Variants in PPHLN1 observed in about 807,000 individuals in gnomAD.
The protein encoded by PPHLN1 is periphilin-1.
A neutral mutation model predicts 51.3 loss-of-function variants in PPHLN1; 29 were observed. The observed-to-expected ratio is 0.57, with a 90% CI of 0.42 to 0.77. PPHLN1 has a LOEUF of 0.77. Among genes scored for constraint, PPHLN1 ranks in the 30% least tolerant of loss-of-function variants. The pLI is 0.00. For missense variants in PPHLN1, 436 were observed against 438.4 expected, an observed-to-expected ratio of 0.99 and a Z score of 0.05; for synonymous variants, 147 against 147.8, an observed-to-expected ratio of 0.99 and a Z score of 0.04.
chr12:42,404,625 G>A (rs994611581), intron 9 of PPHLN1, among the ~76,000 whole-genome samples: 8 of 152,120 alleles, frequency 5.3e-5, no homozygotes, highest in Non-Finnish European at 7.4e-5. Flanking sequence ...TCAAGGTTTC[G>A]ACTATTTGCC....
Position 42,339,442 on chromosome 12 carries a change from G to A in PPHLN1, c.72+3468G>A, listed in dbSNP as rs2071162952. 2.0e-5 allele frequency among the ~76,000 whole-genome samples: 3 copies of A among 151,036 alleles called. No homozygotes were observed. In the South Asian group the frequency reaches 6.3e-4, roughly 31 times the overall value. Reference sequence around the variant, plus strand: ...AGCCTTCTCTTTCCCTCAATACATTGTACCCCTTAGATGGCTCTTGAAAAT... The same window carrying A: ...AGCCTTCTCTTTCCCTCAATACATTATACCCCTTAGATGGCTCTTGAAAAT... On this transcript the variant is annotated intron_variant, in intron 2 of 9. Coordinates refer to ENST00000358314, the MANE Select transcript of PPHLN1 (RefSeq NM_201439.2).
At chr12:42,446,398 G>A (rs897827596), downstream of PPHLN1, 201 of 1,433,112 alleles carry the variant, frequency 1.4e-4, no homozygotes, top group Admixed American at 3.1e-4. Flanking sequence ...CCTTCCCAGC[G>A]TCTAGCAGTG....
intron 4 of PPHLN1, among the ~76,000 whole-genome samples, chr12:42,360,497 T>G (rs2074548805): frequency 8.0e-6 from 1 of 125,040 alleles, no homozygotes; most frequent in Non-Finnish European, 1.6e-5. Context: ...TGAGATGAGG[T>G]CTCACTCTTG....
chr12:42,335,831 C>T, intron 1 of PPHLN1, 52 bp from the exon 2 acceptor site: 1 of 1,059,974 alleles, frequency 9.4e-7, no homozygotes, highest in Non-Finnish European at 1.3e-6. Context: ...CCTTCCTTAC[C>T]TTTTCTGTTA....
chr12:42,346,175 T>C (rs2138048166), intron 2 of PPHLN1, among the ~76,000 whole-genome samples: 1 of 152,304 alleles, frequency 6.6e-6, no homozygotes, highest in Admixed American at 6.5e-5. Flanking sequence ...ACATTAGATC[T>C]CTAGACTTAT....
rs969690071 is a variant in PPHLN1, at chr12:42,384,959, C to T, written c.531C>T (p.Ala177=). Residue 177 remains alanine, a synonymous_variant, in exon 6 of 10, where the codon GCC becomes GCT. Transcript: ENST00000358314. ...CCATAGAGTCCGTGCGTCCTGGTGC[C>T]TCCTACAAACGGCAGAATGAAGGAA... ...SQHRKSVRPG[A]SYKRQNEGNP... 6.2e-7 allele frequency: 1 copy of T among 1,612,018 alleles called. No individual in the cohort carries two copies. Among genetic ancestry groups the T allele is most frequent in the East Asian group, 2.2e-5 (1 of 44,852 alleles).
chr12:42,352,418 T>TC lies in PPHLN1; in HGVS notation c.237+369_237+370insC, dbSNP rs1315833800. Among the ~76,000 whole-genome samples the TC allele has an allele frequency of 5.3e-5, 8 of 151,952 alleles. No individual in the cohort carries two copies. In the East Asian group the frequency reaches 1.5e-3, roughly 29 times the overall value. On this transcript the variant is annotated intron_variant, in intron 3 of 9. Transcript: ENST00000358314. The stretch of plus-strand genomic sequence containing the variant: ...TTACTAGATAACCCACTTAATTTTT[T>TC]TTTTTTTTTGAGACAGAGTCTTACT...
intron 4 of PPHLN1, among the ~76,000 whole-genome samples, chr12:42,365,332 A>G (rs1413887973): frequency 6.6e-6 from 1 of 152,172 alleles, no homozygotes; most frequent in Admixed American, 6.5e-5. Flanking sequence ...TTTTATATGA[A>G]TATTTGTGTA....
chr12:42,388,218 G>C (rs1471732007), intron 7 of PPHLN1, among the ~76,000 whole-genome samples: 1 of 152,164 alleles, frequency 6.6e-6, no homozygotes, highest in Non-Finnish European at 1.5e-5. Context: ...TCTCCTGCCT[G>C]CCCTGGGAAC....
intron 5 of PPHLN1, among the ~76,000 whole-genome samples, chr12:42,382,613 C>T (rs1167558556): frequency 1.3e-5 from 2 of 152,032 alleles, no homozygotes; most frequent in Non-Finnish European, 2.9e-5. Flanking sequence ...GTGAAAGAGG[C>T]AGATTTTAGA....
At chr12:42,438,354 G>C (rs1416922375) in intron 9 of PPHLN1, among the ~76,000 whole-genome samples, 1 of 152,074 alleles carries the variant, frequency 6.6e-6, no homozygotes, top group African/African-American at 2.4e-5. Flanking sequence ...TTTTTTTGTG[G>C]ATTTTAAGCT....
chr12:42,423,063 A>C (rs2081140148), intron 9 of PPHLN1, among the ~76,000 whole-genome samples: 1 of 151,036 alleles, frequency 6.6e-6, no homozygotes, highest in South Asian at 2.1e-4. Context: ...ATTTTTGTGC[A>C]CAGTATTATT....
chr12:42,390,743 A>G (rs1456335883), intron 7 of PPHLN1, among the ~76,000 whole-genome samples: 1 of 151,056 alleles, frequency 6.6e-6, no homozygotes, highest in Non-Finnish European at 1.5e-5. Flanking sequence ...AGACAATTCT[A>G]ACGTGGCCCA....
At chr12:42,343,800 G>A (rs1160931031) in intron 2 of PPHLN1, 2 of 373,274 alleles carry the variant, frequency 5.4e-6, no homozygotes, top group South Asian at 2.0e-5. Context: ...TCTCGAATAA[G>A]ATGCCTTAGC....
chr12:42,444,874 G>T (rs1436744391), downstream of PPHLN1: 2 of 574,958 alleles, frequency 3.5e-6, no homozygotes, highest in Non-Finnish European at 6.1e-6. Flanking sequence ...GATGGCTCTC[G>T]TAAAAATGGA....
At chr12:42,427,913 G>GA (rs1322963676) in intron 9 of PPHLN1, among the ~76,000 whole-genome samples, 1 of 150,832 alleles carries the variant, frequency 6.6e-6, no homozygotes, top group South Asian at 2.1e-4. Context: ...AAATCAGCAA[G>GA]AAAAAAAACA....
chr12:42,361,399 T>G (rs2074668564), intron 4 of PPHLN1: 1 of 152,248 alleles, frequency 6.6e-6, no homozygotes, highest in Admixed American at 6.5e-5. Flanking sequence ...TAATGGGTTT[T>G]AATGGGTGGT....
chr12:42,410,180 GT>G (rs1305847430), intron 9 of PPHLN1, among the ~76,000 whole-genome samples: 25 of 79,750 alleles, frequency 3.1e-4, no homozygotes, highest in East Asian at 5.8e-4. Flanking sequence ...TTCATTCCAT[GT>G]TTTTTTTTTT....
intron 9 of PPHLN1, among the ~76,000 whole-genome samples, chr12:42,420,384 G>T (rs73272091): frequency 0.034 from 5,133 of 151,120 alleles, 298 homozygotes; most frequent in African/African-American, 0.12. Context: ...TTGTCTCTTT[G>T]TGTGTGTGTG....
Sources: gnomAD v4.1 joint callset for allele counts (sites outside exome capture counted in the v4.1 genomes callset) on GRCh38, gnomAD v4.1.1 for gene constraint, MANE v1.5 for transcripts, NCBI Gene and HGNC (gene_info 2026-07-23, HGNC 2026-07-21) for gene names.